Variants in KDM4C observed in about 807,000 individuals in gnomAD.
The protein encoded by KDM4C is lysine-specific demethylase 4C.
KDM4C carries 81 observed loss-of-function variants against 129.3 expected under a neutral mutation model. The observed-to-expected ratio is 0.63, with a 90% CI of 0.52 to 0.75. The LOEUF is 0.75. Among genes scored for constraint, KDM4C ranks in the 30% least tolerant of loss-of-function variants. The pLI is 0.00. For missense variants in KDM4C, 1,457 were observed against 1,304.0 expected (o/e 1.12, Z -1.81); for synonymous variants, 573 against 456.1 (o/e 1.26, Z -3.26).
At chr9:6,937,814 C>G (rs747617487) in intron 8 of KDM4C, among the ~76,000 whole-genome samples, 3 of 152,104 alleles carry the variant, frequency 2.0e-5, no homozygotes, top group South Asian at 4.2e-4. Flanking sequence ...CGGGTTCAAG[C>G]AATTTTCCTG....
At chr9:7,116,334 TA>T (rs1838891104) in intron 18 of KDM4C, among the ~76,000 whole-genome samples, 1 of 119,124 alleles carries the variant, frequency 8.4e-6, no homozygotes, top group African/African-American at 3.1e-5. Context: ...CTTTTAATTA[TA>T]CCTTAAAAAT....
chr9:7,002,137 C>G (rs972663460), intron 12 of KDM4C, among the ~76,000 whole-genome samples: 4 of 152,204 alleles, frequency 2.6e-5, no homozygotes, highest in Non-Finnish European at 5.9e-5. Context: ...AAGTGATCCT[C>G]CTGCCTTGGC....
At chr9:6,890,647 T>C (rs1365222912) in intron 7 of KDM4C, among the ~76,000 whole-genome samples, 1 of 152,034 alleles carries the variant, frequency 6.6e-6, no homozygotes, top group Non-Finnish European at 1.5e-5. Flanking sequence ...TTTTAAATCA[T>C]GGCATGAGCT....
chr9:6,898,639 T>C (rs1238691443), intron 8 of KDM4C, among the ~76,000 whole-genome samples: 1 of 152,210 alleles, frequency 6.6e-6, no homozygotes, highest in African/African-American at 2.4e-5. Context: ...TAAAAAGAGA[T>C]GATAGAATTT....
intron 1 of KDM4C, among the ~76,000 whole-genome samples, chr9:6,775,736 G>A (rs1822892618): frequency 6.6e-6 from 1 of 151,964 alleles, no homozygotes; most frequent in African/African-American, 2.4e-5. Context: ...TGGTCAGGCT[G>A]GTCTCGAACT....
At chr9:7,075,397 G>T (rs1013688706) in intron 17 of KDM4C, among the ~76,000 whole-genome samples, 5 of 152,146 alleles carry the variant, frequency 3.3e-5, no homozygotes, top group African/African-American at 1.2e-4. Context: ...CGACCTAGTG[G>T]AGGTTTTTGA....
At chr9:7,092,665 T>C (rs1835939665) in intron 17 of KDM4C, among the ~76,000 whole-genome samples, 1 of 152,154 alleles carries the variant, frequency 6.6e-6, no homozygotes, top group South Asian at 2.1e-4. Context: ...TAGGCACCCA[T>C]AGAGAAATGG....
At chr9:6,942,656 C>CT (rs1826174573) in intron 8 of KDM4C, 1 of 152,184 alleles carries the variant, frequency 6.6e-6, no homozygotes, top group Non-Finnish European at 1.5e-5. Flanking sequence ...AACTGCAAGT[C>CT]TTTCTTTGTT....
chr9:7,032,632 A>C (rs1826968631), intron 15 of KDM4C, among the ~76,000 whole-genome samples: 1 of 152,198 alleles, frequency 6.6e-6, no homozygotes, highest in Non-Finnish European at 1.5e-5. Flanking sequence ...TTTACAACTA[A>C]TGAACCGGAG....
At chr9:7,000,132 G>T (rs1449494986) in intron 12 of KDM4C, among the ~76,000 whole-genome samples, 2 of 152,098 alleles carry the variant, frequency 1.3e-5, no homozygotes, top group Non-Finnish European at 2.9e-5. Flanking sequence ...TAGTGCTTAA[G>T]GTTTGTAATA....
chr9:7,145,994 A>C (rs1424984398), intron 19 of KDM4C, among the ~76,000 whole-genome samples: 1 of 152,262 alleles, frequency 6.6e-6, no homozygotes, highest in African/African-American at 2.4e-5. Context: ...TGGCTAGTGC[A>C]AGCATGACGG....
chr9:7,013,460 A>AGATCT (rs1246635682), intron 13 of KDM4C, among the ~76,000 whole-genome samples: 1 of 152,210 alleles, frequency 6.6e-6, no homozygotes, highest in Non-Finnish European at 1.5e-5. Flanking sequence ...AAATGAAAAC[A>AGATCT]GATCTGTTAA....
chr9:7,163,843 C>T (rs1233909573), intron 19 of KDM4C, among the ~76,000 whole-genome samples: 2 of 152,144 alleles, frequency 1.3e-5, no homozygotes, highest in Non-Finnish European at 2.9e-5. Flanking sequence ...AAGTTAGATG[C>T]ATATTGTCAG....
At chr9:7,066,076 A>G (rs1395607148) in intron 17 of KDM4C, among the ~76,000 whole-genome samples, 1 of 152,126 alleles carries the variant, frequency 6.6e-6, no homozygotes, top group African/African-American at 2.4e-5. Flanking sequence ...TAATAAAATC[A>G]TCTTCATTAC....
In KDM4C at chr9:6,950,101, T is replaced by C. The variant is rs538632561; in HGVS notation, c.922-30824T>C. Among the ~76,000 whole-genome samples, 216 of 150,710 alleles carry C rather than the reference T, an allele frequency of 1.4e-3. 1 individual carries two copies. The highest frequency in any genetic ancestry group is 0.014 in the Middle Eastern group (4 of 294). ...TGTTTTTTTTTTTCCTCAAGCTTTA[T>C]TGAGATATAGTGGACAAATAAAAAT... On this transcript the variant is annotated intron_variant, in intron 8 of 21. Transcript: ENST00000381309.
chr9:7,072,216 G>A (rs1236053940), intron 17 of KDM4C, among the ~76,000 whole-genome samples: 1 of 152,108 alleles, frequency 6.6e-6, no homozygotes, highest in Non-Finnish European at 1.5e-5. Flanking sequence ...AATGCAAAAT[G>A]GTATAGCCAT....
intron 8 of KDM4C, among the ~76,000 whole-genome samples, chr9:6,926,481 T>G (rs1336567755): frequency 3.3e-5 from 5 of 152,192 alleles, no homozygotes; most frequent in Admixed American, 3.3e-4. Flanking sequence ...TCTTTTTGCA[T>G]AATTAAAATT....
intron 5 of KDM4C, among the ~76,000 whole-genome samples, chr9:6,856,614 C>A (rs1839893613): frequency 6.6e-6 from 1 of 150,386 alleles, no homozygotes; most frequent in Non-Finnish European, 1.5e-5. Flanking sequence ...CACTCTGTTT[C>A]CCGGGCTGAA....
intron 8 of KDM4C, among the ~76,000 whole-genome samples, chr9:6,956,606 C>T (rs911773054): frequency 6.6e-6 from 1 of 152,096 alleles, no homozygotes; most frequent in Non-Finnish European, 1.5e-5. Context: ...TATGTATTAT[C>T]TAAGGTTGCG....
Sources: allele counts gnomAD v4.1 joint callset (sites outside exome capture counted in the v4.1 genomes callset), GRCh38; gene constraint gnomAD v4.1.1; transcripts MANE v1.5; gene names NCBI Gene and HGNC (gene_info 2026-07-23, HGNC 2026-07-21).